The following CWH43 variants were observed in gnomAD, a reference collection of about 807,000 sequenced individuals.
CWH43 encodes the protein PGAP2-interacting protein.
Under a neutral mutation model 85.7 loss-of-function variants are expected in CWH43, and 91 were observed. The ratio of observed to expected loss-of-function variants is 1.06; its 90% CI spans 0.90 to 1.26. CWH43 has a LOEUF of 1.26. Among genes scored for constraint, CWH43 ranks in the 50% most tolerant of loss-of-function variants. The pLI is 0.00. For synonymous variants in CWH43, 323 were observed against 293.6 expected, an observed-to-expected ratio of 1.10 and a Z score of -1.02; for missense variants, 869 against 839.2, an observed-to-expected ratio of 1.04 and a Z score of -0.44.
At chr4:49,027,808 C>A (rs1029852736) in intron 9 of CWH43, among the ~76,000 whole-genome samples, 12 of 152,016 alleles carry the variant, frequency 7.9e-5, no homozygotes, top group African/African-American at 2.9e-4. Context: ...ACCCATTAAC[C>A]ATTGCCACCT....
intron 12 of CWH43, among the ~76,000 whole-genome samples, chr4:49,035,771 C>T (rs1281349390): frequency 1.3e-5 from 2 of 151,988 alleles, no homozygotes; most frequent in Non-Finnish European, 2.9e-5. Context: ...AAATGTAAAA[C>T]CAAATTCACA....
chr4:49,017,699 G>A (rs944801068), intron 9 of CWH43, among the ~76,000 whole-genome samples: 8 of 152,150 alleles, frequency 5.3e-5, no homozygotes, highest in African/African-American at 1.4e-4. Context: ...TCTACAGGCT[G>A]TTCAGAAAGC....
At chr4:49,036,164 T>C (rs1283698840) in intron 12 of CWH43, among the ~76,000 whole-genome samples, 2 of 152,116 alleles carry the variant, frequency 1.3e-5, no homozygotes, top group Admixed American at 6.6e-5. Context: ...GGGGAAGGAA[T>C]CCCTGAATGT....
chr4:49,044,018 A>G (rs1432641601), intron 13 of CWH43, among the ~76,000 whole-genome samples: 1 of 152,180 alleles, frequency 6.6e-6, no homozygotes, highest in Non-Finnish European at 1.5e-5. Context: ...TGTGTTTTTA[A>G]TTAAATGTTA....
In CWH43 at chr4:49,003,769, C is replaced by T. The variant is rs1355828189; in HGVS notation, c.837C>T (p.His279=). Residue 279 remains histidine, a synonymous_variant, in exon 7 of 16, where the codon CAC becomes CAT. Transcript: ENST00000226432. ...TASAAGLLYL[H]TWAAAVSGCV... is the part of the protein sequence containing the mutation. ...CAGCTGCGGGGCTCCTTTACCTGCACACATGGGCAGCTGCTGTGTCTGGCT... is the reference window on the plus strand; with the variant it reads ...CAGCTGCGGGGCTCCTTTACCTGCATACATGGGCAGCTGCTGTGTCTGGCT... 1.9e-6 allele frequency: 3 copies of T among 1,613,980 alleles called. No individual in the cohort carries two copies. The highest frequency in any genetic ancestry group is 2.2e-5 in the East Asian group (1 of 44,886).
At chr4:49,027,455 A>G (rs1409774399) in intron 9 of CWH43, among the ~76,000 whole-genome samples, 4 of 152,230 alleles carry the variant, frequency 2.6e-5, no homozygotes, top group African/African-American at 9.6e-5. Context: ...CATGATAAAT[A>G]TAATATGTCT....
At chr4:49,040,361 A>C (rs1031536063) in intron 13 of CWH43, among the ~76,000 whole-genome samples, 70 of 152,342 alleles carry the variant, frequency 4.6e-4, no homozygotes, top group Non-Finnish European at 8.8e-4. Flanking sequence ...CAGTCCCACC[A>C]ACAGTGTAAA....
intron 14 of CWH43, 100 bp downstream of exon 14, chr4:49,044,947 T>C (rs1784577091): frequency 1.1e-6 from 1 of 896,862 alleles, no homozygotes; most frequent in Non-Finnish European, 1.8e-6. Context: ...AATTAATTTT[T>C]GTTGCTTTTT....
chr4:49,042,563 T>C (rs1215255341), intron 13 of CWH43, among the ~76,000 whole-genome samples: 5 of 152,108 alleles, frequency 3.3e-5, no homozygotes, highest in Admixed American at 2.0e-4. Flanking sequence ...ACTAGAGTTA[T>C]AGATTAAGGA....
chr4:49,033,943 G>A (rs1784183780), intron 12 of CWH43, among the ~76,000 whole-genome samples: 1 of 152,192 alleles, frequency 6.6e-6, no homozygotes, highest in African/African-American at 2.4e-5. Context: ...AAATTGGTGT[G>A]TGTGCCACTC....
chr4:49,042,260 C>A (rs1342921878), intron 13 of CWH43, among the ~76,000 whole-genome samples: 1 of 152,124 alleles, frequency 6.6e-6, no homozygotes, highest in African/African-American at 2.4e-5. Flanking sequence ...CTTGGGCCTC[C>A]TCTCTGCCTT....
At chr4:49,043,114 T>C (rs542363513) in intron 13 of CWH43, among the ~76,000 whole-genome samples, 6 of 152,286 alleles carry the variant, frequency 3.9e-5, no homozygotes, top group African/African-American at 1.4e-4. Flanking sequence ...GAAAGTTACT[T>C]AGCCTTTCTG....
chr4:49,060,279 G>A (rs1389823843), intron 15 of CWH43, among the ~76,000 whole-genome samples: 1 of 152,158 alleles, frequency 6.6e-6, no homozygotes, highest in Non-Finnish European at 1.5e-5. Context: ...AGGGACCACA[G>A]GGCTGGCCTG....
At chr4:49,051,427 C>T (rs1784794445) in intron 15 of CWH43, among the ~76,000 whole-genome samples, 2 of 152,154 alleles carry the variant, frequency 1.3e-5, no homozygotes, top group South Asian at 4.1e-4. Context: ...GGGCCCCACC[C>T]CAGACCAATT....
At position 48,988,632 on chromosome 4, in the gene CWH43, A is replaced by C. The variant is rs1482494590; in HGVS notation, c.199A>C (p.Lys67Gln). The C allele has an allele frequency of 6.2e-7, 1 of 1,612,614 alleles. No homozygotes were observed. Among genetic ancestry groups the C allele is most frequent in the Admixed American group, 1.7e-5 (1 of 59,904 alleles). The stretch of plus-strand genomic sequence containing the variant: ...TCCTTTCTGGAAATTGGTTAACAAG[A>C]AGTGGATGCTAACCCTGCTGAGGAT... The part of the protein sequence containing the change: ...ITPFWKLVNK[K>Q]WMLTLLRIIT... Residue 67 changes from lysine to glutamine, a missense_variant, in exon 2 of 16, where the codon AAG (lysine) becomes CAG (glutamine). Lys to Gln is a moderately conservative substitution (Grantham distance 53). This residue lies in a region of CWH43 where 140 missense variants were observed against 122.6 expected (regional missense o/e 1.14). Transcript: ENST00000226432.
At chr4:49,055,227 T>A (rs992248694) in intron 15 of CWH43, among the ~76,000 whole-genome samples, 3 of 152,204 alleles carry the variant, frequency 2.0e-5, no homozygotes, top group African/African-American at 7.2e-5. Flanking sequence ...AGATGTTGAA[T>A]TTTTCAGATG....
At chr4:49,049,221 C>T (rs1476803701) in intron 14 of CWH43, among the ~76,000 whole-genome samples, 2 of 152,186 alleles carry the variant, frequency 1.3e-5, no homozygotes, top group Non-Finnish European at 2.9e-5. Context: ...CTCAGAGTCA[C>T]ATCTGATGTT....
intron 9 of CWH43, among the ~76,000 whole-genome samples, chr4:49,024,429 TG>T (rs1213638771): frequency 2.6e-5 from 4 of 152,322 alleles, no homozygotes; most frequent in East Asian, 1.9e-4. Flanking sequence ...ATTTTGTTGT[TG>T]TTTTTTTAAG....
chr4:49,008,947 T>C (rs1783258280), intron 8 of CWH43, among the ~76,000 whole-genome samples: 1 of 152,228 alleles, frequency 6.6e-6, no homozygotes, highest in Non-Finnish European at 1.5e-5. Context: ...AGGATTGTCC[T>C]GGCTATGTGG....
Sources: gnomAD v4.1 joint callset for allele counts (sites outside exome capture counted in the v4.1 genomes callset) on GRCh38, gnomAD v4.1.1 for gene constraint, gnomAD v4.1.1 regional missense constraint, MANE v1.5 for transcripts, NCBI Gene and HGNC (gene_info 2026-07-23, HGNC 2026-07-21) for gene names.